GXYLT2: variants seen among roughly 807,000 people sequenced by gnomAD.
GXYLT2 encodes glucoside xylosyltransferase 2, also known as glycosyltransferase 8 domain containing 4.
A neutral mutation model predicts 45.8 loss-of-function variants in GXYLT2; 53 were observed. The ratio of observed to expected loss-of-function variants is 1.16; its 90% confidence interval spans 0.93 to 1.46. GXYLT2 has a LOEUF of 1.46. Among genes scored for constraint, GXYLT2 ranks in the 40% most tolerant of loss-of-function variants. The pLI is 0.00. For missense variants in GXYLT2, 551 were observed against 544.4 expected (o/e 1.01, Z -0.12); for synonymous variants, 219 against 214.2 (o/e 1.02, Z -0.19).
chr3:72,929,706 C>T lies in GXYLT2; in HGVS notation c.600+7371C>T. The T allele has an allele frequency of 5.1e-6, 3 of 586,536 alleles. No individual in the cohort carries two copies. The South Asian group carries it at 6.1e-5, about 12-fold the overall frequency. 36.3% of individuals were successfully genotyped at this position (586,536 alleles called of 1,614,324 possible). The stretch of plus-strand genomic sequence containing the variant: ...TTTCTATAAGTTGCACCACAACATC[C>T]AGAAAAAAGAAAATATTCACTTAAT... On this transcript the variant is annotated intron_variant, in intron 3 of 6. Transcript: ENST00000389617.
chr3:72,900,334 C>T (rs1301850287), intron 1 of GXYLT2, among the ~76,000 whole-genome samples: 1 of 152,138 alleles, frequency 6.6e-6, no homozygotes, highest in Non-Finnish European at 1.5e-5. Context: ...TATCATTTTT[C>T]ATTTGAGCAT....
chr3:72,970,271 A>C (rs1286072948), intron 6 of GXYLT2, among the ~76,000 whole-genome samples: 1 of 152,024 alleles, frequency 6.6e-6, no homozygotes. Flanking sequence ...GAATTGCTTG[A>C]ACCTGGGAGG....
intron 1 of GXYLT2, among the ~76,000 whole-genome samples, chr3:72,899,886 C>T (rs1345833143): frequency 1.3e-5 from 2 of 152,134 alleles, no homozygotes; most frequent in Non-Finnish European, 2.9e-5. Flanking sequence ...ATTTTTCCCC[C>T]ACATATTTCT....
chr3:72,950,210 C>T (rs1475013852), intron 3 of GXYLT2, among the ~76,000 whole-genome samples: 1 of 152,082 alleles, frequency 6.6e-6, no homozygotes, highest in African/African-American at 2.4e-5. Flanking sequence ...CCTGTAATCC[C>T]AGGACTTTGG....
chr3:72,929,086 G>A, intron 3 of GXYLT2: 1 of 1,590,712 alleles, frequency 6.3e-7, no homozygotes, highest in Non-Finnish European at 8.5e-7. Flanking sequence ...GCTACCACCA[G>A]GACTCAGAGG....
At chr3:72,912,037 G>A (rs186834214) in intron 2 of GXYLT2, among the ~76,000 whole-genome samples, 81 of 129,782 alleles carry the variant, frequency 6.2e-4, no homozygotes, top group African/African-American at 2.7e-3. Flanking sequence ...TTGAGACAGC[G>A]TCTCGCTCTG....
chr3:72,930,160 C>G lies in GXYLT2; in HGVS notation c.600+7825C>G, dbSNP rs923625244. Among the ~76,000 whole-genome samples, 3 of 124,034 alleles carry G rather than the reference C, an allele frequency of 2.4e-5. No homozygotes were observed. The Admixed American group carries it at 2.7e-4, about 11-fold the overall frequency. 81.4% of individuals were successfully genotyped at this position (124,034 alleles called of 152,430 possible). On this transcript the variant is annotated intron_variant, in intron 3 of 6. Coordinates refer to ENST00000389617, the MANE Select transcript of GXYLT2 (RefSeq NM_001080393.2). Reference sequence around the variant, plus strand: ...TAGCTTGGGCAAAAAGGGCGAAACTCCATCTCAAAAAAACAAAAAAAAAAA... The same window carrying G: ...TAGCTTGGGCAAAAAGGGCGAAACTGCATCTCAAAAAAACAAAAAAAAAAA...
chr3:72,964,982 C>T (rs1357827921), intron 5 of GXYLT2, among the ~76,000 whole-genome samples: 1 of 152,192 alleles, frequency 6.6e-6, no homozygotes, highest in Admixed American at 6.5e-5. Flanking sequence ...TCCTCACATC[C>T]AGCCTCTGCA....
chr3:72,935,005 A>G (rs1710149831), intron 3 of GXYLT2, among the ~76,000 whole-genome samples: 1 of 152,228 alleles, frequency 6.6e-6, no homozygotes, highest in Non-Finnish European at 1.5e-5. Context: ...CAGCTGGAAT[A>G]TGAATAGAGA....
At chr3:72,968,182 C>G (rs1481548776) in intron 6 of GXYLT2, among the ~76,000 whole-genome samples, 25 of 152,138 alleles carry the variant, frequency 1.6e-4, no homozygotes, top group Admixed American at 1.6e-3. Context: ...CCATGTTGGC[C>G]AGGCTGGTCT....
At position 72,908,520 on chromosome 3, in the gene GXYLT2, C is replaced by T; in HGVS notation, c.429C>T (p.Ile143=). The stretch of plus-strand genomic sequence containing the variant: ...GCCACAGGAAGATCCAATTCCACAT[C>T]TTCACTGAAGACTCTCTGAAGCCCG... ...LFSHRKIQFH[I]FTEDSLKPEF... Residue 143 remains isoleucine (I), a synonymous_variant, in exon 2 of 7, where the codon ATC becomes ATT. Coordinates refer to ENST00000389617, the MANE Select transcript of GXYLT2 (RefSeq NM_001080393.2). 3.7e-6 allele frequency: 6 copies of T among 1,613,628 alleles called. No homozygotes were observed. Among genetic ancestry groups the T allele is most frequent in the Non-Finnish European group, 5.1e-6 (6 of 1,179,810 alleles).
At position 72,957,280 on chromosome 3, in the gene GXYLT2, T is replaced by TA. The variant is rs1280358259; in HGVS notation, c.905dup (p.Tyr302Ter). The change falls in exon 5 of 7, where the codon TAC becomes TAAC. Residue 302 changes from tyrosine (Y) to a stop codon, truncating the protein, a stop_gained and frameshift_variant. Transcript: ENST00000389617. LOFTEE classifies it high-confidence loss of function. ...LAWEDMLYPL[Y>*]QKYKNAITWG... ...TTGGGAGGACATGTTGTACCCTCTG[T>TA]ACCAGAAGTACAAGAATGCCATCAC... is the stretch of plus-strand genomic sequence containing the variant. 3.7e-6 allele frequency: 6 copies of TA among 1,613,358 alleles called. No homozygotes were observed. Among genetic ancestry groups the TA allele is most frequent in the Non-Finnish European group, 4.2e-6 (5 of 1,179,562 alleles).
chr3:72,975,496 T>C lies in GXYLT2; in HGVS notation c.*337T>C, dbSNP rs1462810920. On this transcript the variant is annotated 3_prime_UTR_variant, in exon 7 of 7. Transcript: ENST00000389617. ...CATTTCAGTGGCACCTGAGGTGTTA[T>C]ATTGATCTAGCATTCCTGAGACTCT... 1 of 190,228 alleles carries C rather than the reference T, an allele frequency of 5.3e-6. No individual in the cohort carries two copies. The highest frequency in any genetic ancestry group is 2.3e-5 in the African/African-American group (1 of 42,846). The allele number at this position is 190,228 out of a possible 1,614,324, so 11.8% of individuals were successfully genotyped here.
intron 1 of GXYLT2, among the ~76,000 whole-genome samples, chr3:72,900,784 G>A (rs1709388333): frequency 6.6e-6 from 1 of 151,848 alleles, no homozygotes; most frequent in African/African-American, 2.4e-5. Flanking sequence ...ATCTATCCAT[G>A]TTATAAATGT....
intron 3 of GXYLT2, among the ~76,000 whole-genome samples, chr3:72,953,661 G>A (rs1399449781): frequency 7.2e-5 from 11 of 152,182 alleles, no homozygotes; most frequent in Admixed American, 7.2e-4. Context: ...TGTTACAACA[G>A]CAGATTTGAG....
intron 4 of GXYLT2, among the ~76,000 whole-genome samples, chr3:72,956,125 GC>G (rs1465534673): frequency 6.6e-6 from 1 of 152,068 alleles, no homozygotes; most frequent in Non-Finnish European, 1.5e-5. Flanking sequence ...GTGTCACGTG[GC>G]TGTAGTCTCA....
At chr3:72,945,246 C>T (rs1332343560) in intron 3 of GXYLT2, among the ~76,000 whole-genome samples, 2 of 151,940 alleles carry the variant, frequency 1.3e-5, no homozygotes, top group Non-Finnish European at 1.5e-5. Flanking sequence ...TGAGATCGCG[C>T]CACTGCACTC....
chr3:72,923,501 A>G (rs1003277118), intron 3 of GXYLT2, among the ~76,000 whole-genome samples: 3 of 152,214 alleles, frequency 2.0e-5, no homozygotes, highest in Non-Finnish European at 4.4e-5. Context: ...AGTGAGAATA[A>G]TATTGCACAG....
At chr3:72,925,129 CTCATTATG>C (rs141491210) in intron 3 of GXYLT2, among the ~76,000 whole-genome samples, 97 of 151,542 alleles carry the variant, frequency 6.4e-4, no homozygotes, top group African/African-American at 2.2e-3. Flanking sequence ...AGCTCACTTG[CTCATTATG>C]TCATCTATTT....
Sources: gnomAD v4.1 joint callset for allele counts (sites outside exome capture counted in the v4.1 genomes callset) on GRCh38, gnomAD v4.1.1 for gene constraint, MANE v1.5 for transcripts, NCBI Gene and HGNC (gene_info 2026-07-23, HGNC 2026-07-21) for gene names.